The following NUP58 variants were observed in gnomAD, a reference collection of about 807,000 sequenced individuals.
NUP58 encodes the protein nucleoporin 58.
A neutral mutation model predicts 70.1 loss-of-function variants in NUP58; 17 were observed. That is an observed-to-expected ratio of 0.24 (90% confidence interval 0.17 to 0.36). The LOEUF (loss-of-function observed/expected upper bound fraction) is 0.36. Among genes scored for constraint, NUP58 ranks in the 10% least tolerant of loss-of-function variants. NUP58 has a pLI of 1.00. For missense variants in NUP58, 644 were observed against 701.5 expected, an observed-to-expected ratio of 0.92 and a Z score of 0.93; for synonymous variants, 275 against 257.6, an observed-to-expected ratio of 1.07 and a Z score of -0.65.
chr13:25,328,140 A>G (rs146854693), intron 12 of NUP58, among the ~76,000 whole-genome samples: 3,414 of 150,932 alleles, frequency 0.023, 129 homozygotes, highest in African/African-American at 0.078. Flanking sequence ...TGGAGGTTGC[A>G]GTGAGCCGAG....
intron 14 of NUP58, among the ~76,000 whole-genome samples, chr13:25,337,470 T>C (rs1016069933): frequency 7.2e-5 from 11 of 152,170 alleles, no homozygotes; most frequent in Admixed American, 5.2e-4. Flanking sequence ...ATTGAACAGC[T>C]CAACTCATGT....
chr13:25,312,430 C>T (rs774730802), intron 3 of NUP58, among the ~76,000 whole-genome samples: 15 of 152,048 alleles, frequency 9.9e-5, no homozygotes, highest in African/African-American at 2.9e-4. Flanking sequence ...TGCAGTGGCA[C>T]GATTTCAGCT....
chr13:25,327,402 T>C (rs761799142), intron 11 of NUP58, 28 bp from the exon 12 acceptor site: 26 of 1,379,448 alleles, frequency 1.9e-5, no homozygotes, highest in Non-Finnish European at 2.7e-5. Context: ...TGTATATATT[T>C]GGGTGATAAT....
chr13:25,334,504 G>T, intron 13 of NUP58: 3 of 985,110 alleles, frequency 3.0e-6, no homozygotes, highest in Non-Finnish European at 3.6e-6. Context: ...TTTCATCTTA[G>T]TTTCTTGTGG....
intron 5 of NUP58, 152 bp downstream of exon 5, chr13:25,313,903 A>G: frequency 1.8e-6 from 1 of 541,966 alleles, no homozygotes; most frequent in Non-Finnish European, 3.0e-6. Context: ...TTCATACATA[A>G]TTGGATGTAT....
chr13:25,310,037 C>T (rs2030573621), intron 3 of NUP58: 1 of 398,282 alleles, frequency 2.5e-6, no homozygotes, highest in African/African-American at 2.2e-5. Context: ...TTCTTGTTTT[C>T]TTTTTTGCTT....
chr13:25,336,372 G>A lies in NUP58; in HGVS notation c.1436-564G>A, dbSNP rs780347785. Reference sequence around the variant, plus strand: ...TTGTCTTGTTTTTTATCTACTTATTGTATATATCATTTATATTTCATATGA... The same window carrying A: ...TTGTCTTGTTTTTTATCTACTTATTATATATATCATTTATATTTCATATGA... On this transcript the variant is annotated intron_variant, in intron 13 of 15. Coordinates refer to ENST00000381736, the MANE Select transcript of NUP58 (RefSeq NM_014089.4). 3 of 806,010 alleles carry A rather than the reference G, an allele frequency of 3.7e-6. No individual in the cohort carries two copies. The South Asian group carries it at 4.5e-5, about 12-fold the overall frequency. The allele number at this position is 806,010 out of a possible 1,614,324, so 49.9% of individuals were successfully genotyped here. A position where few individuals can be genotyped will look rare whatever the true frequency, so the allele number is the denominator to read the frequency against.
At chr13:25,348,216 G>A (rs144074229) in intron 3 of NUP58, among the ~76,000 whole-genome samples, 28 of 152,230 alleles carry the variant, frequency 1.8e-4, no homozygotes, top group African/African-American at 5.3e-4. Context: ...GAGTATATGA[G>A]TCTACATTGT....
chr13:25,347,950 A>C (rs1016947402), intron 3 of NUP58, among the ~76,000 whole-genome samples: 3 of 152,160 alleles, frequency 2.0e-5, no homozygotes, highest in Admixed American at 6.6e-5. Flanking sequence ...TTAGAACGAG[A>C]AATTCTTTTT....
At chr13:25,326,497 C>T (rs1021718739) in intron 10 of NUP58, among the ~76,000 whole-genome samples, 7 of 152,174 alleles carry the variant, frequency 4.6e-5, no homozygotes, top group Middle Eastern at 3.4e-3. Context: ...GGTTGGTAGA[C>T]GTTTCTACTT....
chr13:25,343,815 AT>A (rs2032012398), downstream of NUP58, among the ~76,000 whole-genome samples: 2 of 140,538 alleles, frequency 1.4e-5, no homozygotes, highest in African/African-American at 2.5e-5. Context: ...GTATATATAT[AT>A]ATATATATAT....
Position 25,320,569 on chromosome 13 carries a change from C to A in NUP58, c.750C>A (p.Val250=). ...TGAAGGATGAAAATCTACCTCCTGT[C>A]ATCTGCCAGGATGTTGAAAATCTCC... ...KALKDENLPP[V]ICQDVENLQK... Residue 250 remains valine (V), a synonymous_variant, in exon 8 of 16, where the codon GTC becomes GTA. Transcript: ENST00000381736. The A allele has an allele frequency of 6.2e-7, 1 of 1,610,506 alleles. No homozygotes were observed. The highest frequency in any genetic ancestry group is 1.1e-5 in the South Asian group (1 of 90,896).
At chr13:25,310,604 G>A (rs1477448684) in intron 3 of NUP58, among the ~76,000 whole-genome samples, 1 of 130,156 alleles carries the variant, frequency 7.7e-6, no homozygotes, top group Non-Finnish European at 1.5e-5. Flanking sequence ...CTCAAGCCAC[G>A]TGCCCTCTTT....
At chr13:25,307,701 A>G in intron 1 of NUP58, 105 bp from the exon 2 acceptor site, 1 of 1,093,246 alleles carries the variant, frequency 9.1e-7, no homozygotes, top group South Asian at 1.6e-5. Context: ...TGTGAATGAA[A>G]TTATCTTGAA....
At position 25,312,921 on chromosome 13, in the gene NUP58, A is replaced by T. The variant is rs1178139136; in HGVS notation, c.325A>T (p.Ser109Cys). The change falls in exon 4 of 16, where the codon AGT (serine) becomes TGT (cysteine). Residue 109 changes from serine to cysteine, a missense_variant. Physicochemically the swap from Ser to Cys is moderately radical, Grantham distance 112. Around this residue, in one of 4 missense-constraint regions of NUP58, gnomAD observed 430 missense variants for 409.2 expected, o/e 1.05. Coordinates refer to ENST00000381736, the MANE Select transcript of NUP58 (RefSeq NM_014089.4). ...ATTSAATTGF[S>C]LGFNKPAASA... ...TACATCTGCAGCTACAACAGGCTTC[A>T]GTTTAGGATTCAATAAACCTGCAGC... is the stretch of plus-strand genomic sequence containing the variant. 6.2e-7 allele frequency: 1 copy of T among 1,613,750 alleles called. No individual in the cohort carries two copies. The highest frequency in any genetic ancestry group is 1.3e-5 in the African/African-American group (1 of 74,934).
At chr13:25,344,016 T>C (rs1471765747), downstream of NUP58, among the ~76,000 whole-genome samples, 1 of 152,052 alleles carries the variant, frequency 6.6e-6, no homozygotes, top group East Asian at 1.9e-4. Flanking sequence ...TATACAAATA[T>C]ATACTCCTAC....
intron 1 of NUP58, among the ~76,000 whole-genome samples, chr13:25,306,179 G>A (rs1416571386): frequency 6.6e-6 from 1 of 152,136 alleles, no homozygotes; most frequent in East Asian, 1.9e-4. Flanking sequence ...GCCGAGGCAG[G>A]TGGATCACGA....
At chr13:25,337,896 C>T (rs1244008709) in intron 14 of NUP58, among the ~76,000 whole-genome samples, 5 of 151,926 alleles carry the variant, frequency 3.3e-5, no homozygotes, top group African/African-American at 1.2e-4. Flanking sequence ...GCAAAATAAC[C>T]AAAAAAGAAT....
chr13:25,319,759 A>G (rs1274355159), intron 7 of NUP58, among the ~76,000 whole-genome samples: 1 of 152,112 alleles, frequency 6.6e-6, no homozygotes, highest in Non-Finnish European at 1.5e-5. Flanking sequence ...CTCCATATAC[A>G]TCATATATAT....
Sources: allele counts gnomAD v4.1 joint callset (sites outside exome capture counted in the v4.1 genomes callset), GRCh38; gene constraint gnomAD v4.1.1; regional missense constraint gnomAD v4.1.1; transcripts MANE v1.5; gene names NCBI Gene and HGNC (gene_info 2026-07-23, HGNC 2026-07-21).